SUFU: variants seen among roughly 807,000 people sequenced by gnomAD.
SUFU encodes the protein SUFU negative regulator of hedgehog signaling, also known as suppressor of fused homolog.
A neutral mutation model predicts 58.9 loss-of-function variants in SUFU; 7 were observed. That is an observed-to-expected ratio of 0.12 (90% confidence interval 0.07 to 0.22). The LOEUF is 0.22. SUFU is among the 10% of genes least tolerant of loss of function. The probability of loss-of-function intolerance (pLI) is 1.00; values close to 1 mark genes in which losing one functional copy is unlikely to be tolerated. For missense variants in SUFU, 451 were observed against 641.3 expected, an observed-to-expected ratio of 0.70 and a Z score of 3.20; for synonymous variants, 232 against 254.8, an observed-to-expected ratio of 0.91 and a Z score of 0.85.
At position 102,597,156 on chromosome 10, in the gene SUFU, G is replaced by T. The variant is rs775760512; in HGVS notation, c.773G>T (p.Gly258Val). Residue 258 changes from glycine to valine, a missense_variant, in exon 7 of 12, where the codon GGC becomes GTC. Gly to Val is a moderately radical substitution (Grantham distance 109). Transcript: ENST00000369902. Reference protein sequence around the residue: ...DPHLQERVDKGIETDGSNLSG... With the variant: ...DPHLQERVDKVIETDGSNLSG... Reference sequence around the variant, plus strand: ...TTCAAGCAGGAGAGAGTTGACAAAGGCATCGAGACAGATGGCTCCAACCTG... The same window carrying T: ...TTCAAGCAGGAGAGAGTTGACAAAGTCATCGAGACAGATGGCTCCAACCTG... 1 of 1,613,984 alleles carries T rather than the reference G, an allele frequency of 6.2e-7. No homozygotes were observed. Among genetic ancestry groups the T allele is most frequent in the South Asian group, 1.1e-5 (1 of 91,054 alleles).
At chr10:102,537,271 C>T (rs1253030145) in intron 2 of SUFU, among the ~76,000 whole-genome samples, 2 of 151,792 alleles carry the variant, frequency 1.3e-5, no homozygotes, top group African/African-American at 4.8e-5. Flanking sequence ...GCTGGGACCA[C>T]AGCTGCACAC....
At chr10:102,521,232 G>A (rs143602736) in intron 2 of SUFU, among the ~76,000 whole-genome samples, 25 of 152,242 alleles carry the variant, frequency 1.6e-4, no homozygotes, top group Admixed American at 7.8e-4. Flanking sequence ...GCTGTTGAGC[G>A]TCTTTTCATA....
chr10:102,521,398 C>G (rs7090034), intron 2 of SUFU, among the ~76,000 whole-genome samples: 53,352 of 151,934 alleles, frequency 0.35, 9,528 homozygotes, highest in African/African-American at 0.39. Context: ...GCATATTTTT[C>G]TTTTGGTCAC....
chr10:102,561,667 C>CTTTTTTT (rs34738568), intron 3 of SUFU, among the ~76,000 whole-genome samples: 3 of 110,616 alleles, frequency 2.7e-5, no homozygotes, highest in African/African-American at 7.0e-5. Flanking sequence ...GACCAGCAAG[C>CTTTTTTT]TTTTTTTTTT....
chr10:102,621,574 G>C (rs2063740496), intron 10 of SUFU, among the ~76,000 whole-genome samples: 1 of 152,168 alleles, frequency 6.6e-6, no homozygotes, highest in Non-Finnish European at 1.5e-5. Context: ...GCTTTTGTCT[G>C]GCCTGTGGAG....
At chr10:102,583,835 T>G (rs1248314672) in intron 3 of SUFU, among the ~76,000 whole-genome samples, 2 of 152,112 alleles carry the variant, frequency 1.3e-5, no homozygotes, top group Non-Finnish European at 2.9e-5. Context: ...TAGGTATATC[T>G]CCTAATGCTA....
chr10:102,614,735 G>C (rs1478590542), intron 8 of SUFU, among the ~76,000 whole-genome samples: 1 of 150,480 alleles, frequency 6.6e-6, no homozygotes, highest in Non-Finnish European at 1.5e-5. Context: ...AATTAGCTGG[G>C]TGTAGTGGTG....
rs76903844 is a variant in SUFU at position 102,625,476 on chromosome 10, C to G, written c.1297-1699C>G. Among the ~76,000 whole-genome samples, 2 of 152,120 alleles carry G rather than the reference C, an allele frequency of 1.3e-5. No homozygotes were observed. Among genetic ancestry groups the G allele is most frequent in the Non-Finnish European group, 2.9e-5 (2 of 68,018 alleles). On this transcript the variant is annotated intron_variant, in intron 10 of 11. Transcript: ENST00000369902. This position sits in a 1 kb window ranked among gnomAD's most constrained non-coding sequence, Gnocchi z 4.7. Reference sequence around the variant, plus strand: ...TCTCCTTGCCAGCCAAAAGAGGGTGCTTGTCCTGGTGGGAAATGAGCTGCC... The same window carrying G: ...TCTCCTTGCCAGCCAAAAGAGGGTGGTTGTCCTGGTGGGAAATGAGCTGCC...
chr10:102,505,401 A>C (rs185847230), intron 1 of SUFU, among the ~76,000 whole-genome samples: 176 of 152,356 alleles, frequency 1.2e-3, no homozygotes, highest in Non-Finnish European at 2.0e-3. Context: ...GTCCAGGACC[A>C]CATTCATGCA....
Position 102,578,263 on chromosome 10 carries a change from CAAAAACA to C in SUFU, c.455-14309_455-14303del, listed in dbSNP as rs1425927641. Among the ~76,000 whole-genome samples the C allele has an allele frequency of 2.1e-4, 31 of 147,098 alleles. No homozygotes were observed. The East Asian group carries it at 4.0e-3, about 19-fold the overall frequency. ...CGAGACTCCGTCTCAAAAAAAAAAA[CAAAAACA>C]AAAAACAAAGAACAAAGAGGCTTGG... On this transcript the variant is annotated intron_variant, in intron 3 of 11. Coordinates refer to ENST00000369902, the MANE Select transcript of SUFU (RefSeq NM_016169.4).
intron 2 of SUFU, among the ~76,000 whole-genome samples, chr10:102,530,468 T>A (rs1377906401): frequency 7.5e-5 from 9 of 119,232 alleles, no homozygotes; most frequent in South Asian, 2.6e-4. Flanking sequence ...TTTTTTTTTT[T>A]AATGGAGACA....
Position 102,592,602 on chromosome 10 carries a change from GA to G in SUFU, c.476del (p.Asp159AlafsTer21). The G allele has an allele frequency of 6.2e-7, 1 of 1,614,148 alleles. No individual in the cohort carries two copies. Among genetic ancestry groups the G allele is most frequent in the Non-Finnish European group, 8.5e-7 (1 of 1,180,032 alleles). On this transcript the variant is annotated frameshift_variant, in exon 4 of 12. Coordinates refer to ENST00000369902, the MANE Select transcript of SUFU (RefSeq NM_016169.4). LOFTEE classifies it high-confidence loss of function. ...CACAGAGAACACCTTCTGCAGTGGG[GA>G]CCATGTGTCCTGGCACAGCCCTTTG... ...FQSENTFCSG[D>X]HVSWHSPLDN...
At chr10:102,607,618 A>C (rs547889572) in intron 8 of SUFU, among the ~76,000 whole-genome samples, 133 of 152,288 alleles carry the variant, frequency 8.7e-4, no homozygotes, top group African/African-American at 2.9e-3. Context: ...GTAAAGCCTG[A>C]AAAGGAAATA....
rs757562420 is a variant in SUFU at position 102,629,733 on chromosome 10, G to A, written c.1366-333G>A. 2.6e-5 allele frequency among the ~76,000 whole-genome samples: 4 copies of A among 152,114 alleles called. No homozygotes were observed. The highest frequency in any genetic ancestry group is 5.9e-5 in the Non-Finnish European group (4 of 68,016). ...CCCAGCCCCCATCCTCCAGCCCCAG[G>A]GCCTCAGGGAGCAGATTCTTTACAT... On this transcript the variant is annotated intron_variant, in intron 11 of 11. Transcript: ENST00000369902. The surrounding 1 kb of genome is among the most constrained non-coding windows in gnomAD (Gnocchi z 4.7).
chr10:102,537,223 C>T (rs953306531), intron 2 of SUFU, among the ~76,000 whole-genome samples: 10 of 151,266 alleles, frequency 6.6e-5, no homozygotes, highest in Non-Finnish European at 1.5e-4. Flanking sequence ...GCCTGGACCT[C>T]CCAGACTCAG....
rs41297161 is a variant in SUFU at position 102,627,346 on chromosome 10, G to T, written c.1365+103G>T. On this transcript the variant is annotated intron_variant, in intron 11 of 11. Coordinates refer to ENST00000369902, the MANE Select transcript of SUFU (RefSeq NM_016169.4). ...ATGCATGTGTGCGTGTGTACCTGTG[G>T]TGCGTGTGTGCTTGCATGTATCTGT... The T allele has an allele frequency of 0.028, 29,593 of 1,061,756 alleles. 508 individuals carry two copies. Among genetic ancestry groups the T allele is most frequent in the Middle Eastern group, 0.039 (193 of 4,982 alleles). The allele number at this position is 1,061,756 out of a possible 1,614,324, so 65.8% of individuals were successfully genotyped here.
At chr10:102,562,201 G>A (rs1002058078) in intron 3 of SUFU, among the ~76,000 whole-genome samples, 1 of 152,260 alleles carries the variant, frequency 6.6e-6, no homozygotes, top group African/African-American at 2.4e-5. Context: ...ATGTGATTCA[G>A]TCTTTTCCTG....
chr10:102,592,005 A>G (rs1188182465), intron 3 of SUFU, among the ~76,000 whole-genome samples: 3 of 152,198 alleles, frequency 2.0e-5, no homozygotes, highest in African/African-American at 7.2e-5. Flanking sequence ...GGGAGGCACT[A>G]TTTAGACCTC....
intron 3 of SUFU, among the ~76,000 whole-genome samples, chr10:102,569,688 G>A (rs1045201426): frequency 3.9e-5 from 6 of 152,100 alleles, no homozygotes; most frequent in Admixed American, 1.3e-4. Context: ...GTACATAGAC[G>A]GCTGAGGGGC....
Sources: allele counts gnomAD v4.1 joint callset (sites outside exome capture counted in the v4.1 genomes callset), GRCh38; gene constraint gnomAD v4.1.1; non-coding constraint Gnocchi (gnomAD v3.1); transcripts MANE v1.5; gene names NCBI Gene and HGNC (gene_info 2026-07-23, HGNC 2026-07-21).